The following SH2D4B variants were observed in gnomAD, a reference collection of about 807,000 sequenced individuals.
SH2D4B encodes SH2 domain containing 4B, also known as SH2 domain-containing protein 4B.
Under a neutral mutation model 61.5 loss-of-function variants are expected in SH2D4B, and 45 were observed. The observed-to-expected ratio is 0.73, with a 90% confidence interval of 0.58 to 0.94. The LOEUF (loss-of-function observed/expected upper bound fraction) is 0.94. Ranked by LOEUF, SH2D4B falls within the 40% of genes least tolerant of loss-of-function variation. SH2D4B has a pLI of 0.00. For synonymous variants in SH2D4B, 224 were observed against 220.4 expected (o/e 1.02, Z -0.14); for missense variants, 572 against 574.2 (o/e 1.00, Z 0.04).
Position 80,637,950 on chromosome 10 carries a change from G to A in SH2D4B, c.1209+3445G>A, listed in dbSNP as rs187410289. Among the ~76,000 whole-genome samples the A allele has an allele frequency of 4.4e-3, 672 of 152,242 alleles. 1 individual carries two copies. The highest frequency in any genetic ancestry group is 6.9e-3 in the Non-Finnish European group (470 of 68,016). On this transcript the variant is annotated intron_variant, in intron 7 of 7. Transcript: ENST00000646907. The stretch of plus-strand genomic sequence containing the variant: ...TCATAAATAGCTCTTATTATTTTGA[G>A]ATATGTTCCATCAGTACCTAGTTTA...
intron 5 of SH2D4B, 66 bp downstream of exon 5, chr10:80,603,861 G>T: frequency 2.1e-6 from 3 of 1,441,894 alleles, no homozygotes; most frequent in Non-Finnish European, 2.8e-6. Flanking sequence ...GGGACACCGG[G>T]GTCCCCGTCC....
At chr10:80,570,119 CA>C in intron 1 of SH2D4B, 34 bp from the exon 2 acceptor site, 1 of 1,613,256 alleles carries the variant, frequency 6.2e-7, no homozygotes, top group Non-Finnish European at 8.5e-7. Flanking sequence ...GATTGAAAAT[CA>C]AACTTGTTTC....
chr10:80,646,228 A>T lies in SH2D4B; in HGVS notation c.*2143A>T, dbSNP rs1462262282. On this transcript the variant is annotated 3_prime_UTR_variant, in exon 8 of 8. Transcript: ENST00000646907. The stretch of plus-strand genomic sequence containing the variant: ...CAGGGGATATGATGTGATGATTTTC[A>T]AGGTGTTGGAGGCAACTTCTGTTCC... 6.6e-5 allele frequency: 10 copies of T among 152,638 alleles called. No homozygotes were observed. The highest frequency in any genetic ancestry group is 6.5e-4 in the Admixed American group (10 of 15,282). 9.5% of individuals were successfully genotyped at this position (152,638 alleles called of 1,614,324 possible).
intron 1 of SH2D4B, among the ~76,000 whole-genome samples, chr10:80,562,283 T>G (rs1841910339): frequency 6.6e-6 from 1 of 152,230 alleles, no homozygotes; most frequent in Non-Finnish European, 1.5e-5. Flanking sequence ...TGTGTACAAG[T>G]AAGTCCTTAC....
intron 3 of SH2D4B, among the ~76,000 whole-genome samples, chr10:80,577,811 C>T (rs1245812760): frequency 6.6e-6 from 1 of 152,060 alleles, no homozygotes; most frequent in African/African-American, 2.4e-5. Flanking sequence ...ATCTGCCTGC[C>T]TCGGCCTCCC....
At chr10:80,575,800 C>T (rs1199813566) in intron 3 of SH2D4B, among the ~76,000 whole-genome samples, 1 of 152,076 alleles carries the variant, frequency 6.6e-6, no homozygotes, top group African/African-American at 2.4e-5. Flanking sequence ...GTTCAACATG[C>T]ATCTCCTATG....
At chr10:80,640,170 T>C (rs1043502714) in intron 7 of SH2D4B, among the ~76,000 whole-genome samples, 34 of 152,242 alleles carry the variant, frequency 2.2e-4, no homozygotes, top group African/African-American at 8.2e-4. Flanking sequence ...GTTAGTCTGA[T>C]GGGCTTCCCT....
intron 4 of SH2D4B, among the ~76,000 whole-genome samples, chr10:80,598,299 A>G (rs777651067): frequency 6.6e-6 from 1 of 152,190 alleles, no homozygotes; most frequent in Non-Finnish European, 1.5e-5. Context: ...TTAGCTACAC[A>G]ATGGGACGGA....
In SH2D4B at chr10:80,576,636, A is replaced by G. The variant is rs111462619; in HGVS notation, c.495+5058A>G. On this transcript the variant is annotated intron_variant, in intron 3 of 7. Transcript: ENST00000646907. ...TCTGAAAGGTTTCTGTGGTAGGTTA[A>G]ATGGGATTTGCGGCAAATTGTTTGC... Among the ~76,000 whole-genome samples the G allele has an allele frequency of 6.6e-3, 1,000 of 152,356 alleles. 8 individuals are homozygous for G. The highest frequency in any genetic ancestry group is 0.022 in the African/African-American group (908 of 41,578).
intron 1 of SH2D4B, among the ~76,000 whole-genome samples, chr10:80,544,336 A>C (rs1841636001): frequency 6.6e-6 from 1 of 152,152 alleles, no homozygotes; most frequent in Non-Finnish European, 1.5e-5. Flanking sequence ...CTCCGAACAC[A>C]TCTGAACATC....
intron 3 of SH2D4B, among the ~76,000 whole-genome samples, chr10:80,574,940 A>G (rs531899809): frequency 2.2e-4 from 33 of 152,026 alleles, no homozygotes; most frequent in Admixed American, 1.2e-3. Context: ...ACCTCAAGTG[A>G]TCCACCCACC....
intron 2 of SH2D4B, 151 bp downstream of exon 2, chr10:80,570,467 G>A (rs572925839): frequency 2.4e-5 from 22 of 918,426 alleles, no homozygotes; most frequent in Admixed American, 2.0e-4. Context: ...TGAGCCACCC[G>A]CTTCGGCCTC....
At position 80,566,292 on chromosome 10, in the gene SH2D4B, A is replaced by C. The variant is rs1038024133; in HGVS notation, c.185-3862A>C. Among the ~76,000 whole-genome samples, 13 of 148,822 alleles carry C rather than the reference A, an allele frequency of 8.7e-5. 1 individual carries two copies. The South Asian group carries it at 1.7e-3, about 20-fold the overall frequency. ...TAATATTACCTGATGGGATTAGATCAATTTCTTTTTTTTTTTTTTTTGAGA... is the reference window on the plus strand; with the variant it reads ...TAATATTACCTGATGGGATTAGATCCATTTCTTTTTTTTTTTTTTTTGAGA... On this transcript the variant is annotated intron_variant, in intron 1 of 7. Transcript: ENST00000646907.
chr10:80,562,995 G>A (rs1589336250), intron 1 of SH2D4B, among the ~76,000 whole-genome samples: 1 of 144,866 alleles, frequency 6.9e-6, no homozygotes. Context: ...TCCGCCTCCC[G>A]GGTTCACGCC....
At position 80,644,132 on chromosome 10, in the gene SH2D4B, C is replaced by T; in HGVS notation, c.*47C>T. 1.3e-6 allele frequency: 2 copies of T among 1,494,702 alleles called. No homozygotes were observed. Among genetic ancestry groups the T allele is most frequent in the African/African-American group, 1.4e-5 (1 of 72,392 alleles). 92.6% of individuals were successfully genotyped at this position (1,494,702 alleles called of 1,614,324 possible). On this transcript the variant is annotated 3_prime_UTR_variant, in exon 8 of 8. Coordinates refer to ENST00000646907, the MANE Select transcript of SH2D4B (RefSeq NM_001388272.1). ...TTCATTTTGGTATCCTGTTTTTGAA[C>T]TCAGCTTAAGAACTTCTCATCTCAA...
At chr10:80,578,444 G>A (rs1357542105) in intron 3 of SH2D4B, among the ~76,000 whole-genome samples, 1 of 152,070 alleles carries the variant, frequency 6.6e-6, no homozygotes, top group Non-Finnish European at 1.5e-5. Context: ...AACTCCATGA[G>A]CAACCCTTAG....
At chr10:80,544,578 G>C (rs2132102042) in intron 1 of SH2D4B, among the ~76,000 whole-genome samples, 1 of 152,338 alleles carries the variant, frequency 6.6e-6, no homozygotes, top group South Asian at 2.1e-4. Context: ...CTGGGCTTGG[G>C]CCCTCTTGGC....
chr10:80,640,193 C>T (rs550332912), intron 7 of SH2D4B, among the ~76,000 whole-genome samples: 14 of 152,250 alleles, frequency 9.2e-5, no homozygotes, highest in Non-Finnish European at 1.9e-4. Context: ...GAGGTTAACC[C>T]GACCTTTCTC....
chr10:80,558,623 G>A (rs1212260202), intron 1 of SH2D4B, among the ~76,000 whole-genome samples: 2 of 152,042 alleles, frequency 1.3e-5, no homozygotes, highest in East Asian at 1.9e-4. Context: ...GGGACTACAG[G>A]TGCGTACCAC....
Sources: allele counts gnomAD v4.1 joint callset (sites outside exome capture counted in the v4.1 genomes callset), GRCh38; gene constraint gnomAD v4.1.1; transcripts MANE v1.5; gene names NCBI Gene and HGNC (gene_info 2026-07-23, HGNC 2026-07-21).